Variants in DENND2B observed in about 807,000 individuals in gnomAD.
The protein encoded by DENND2B is DENN domain-containing protein 2B.
Under a neutral mutation model 116.0 loss-of-function variants are expected in DENND2B, and 32 were observed. The ratio of observed to expected loss-of-function variants is 0.28; its 90% CI spans 0.21 to 0.37. The LOEUF (loss-of-function observed/expected upper bound fraction) is 0.37. DENND2B is among the 10% of genes least tolerant of loss of function. The pLI is 1.00. For synonymous variants in DENND2B, 588 were observed against 583.9 expected (o/e 1.01, Z -0.10); for missense variants, 1,276 against 1,477.7 (o/e 0.86, Z 2.24).
intron 1 of DENND2B, among the ~76,000 whole-genome samples, chr11:8,752,413 C>T (rs2052694152): frequency 6.6e-6 from 1 of 151,516 alleles, no homozygotes; most frequent in Admixed American, 6.6e-5. Flanking sequence ...GATTGCACCA[C>T]TGCACTCCAG....
chr11:8,730,662 C>A lies in DENND2B; in HGVS notation c.628G>T (p.Val210Leu). ...GCPSLGCPSV[V>L]PSPCSSEKTF... ...TTTTCAGAGCTGCAGGGGGACGGCACCACGCTGGGACAGCCCAGGCTGGGG... is the reference window on the plus strand; with the variant it reads ...TTTTCAGAGCTGCAGGGGGACGGCAACACGCTGGGACAGCCCAGGCTGGGG... Residue 210 changes from valine (V) to leucine (L), a missense_variant, in exon 3 of 20, where the codon GTG (valine) becomes TTG (leucine). Coordinates refer to ENST00000313726, the MANE Select transcript of DENND2B (RefSeq NM_213618.2). This position sits in a 1 kb window ranked among gnomAD's most constrained non-coding sequence, Gnocchi z 4.1. 2 of 1,612,468 alleles carry A rather than the reference C, an allele frequency of 1.2e-6. No individual in the cohort carries two copies. Among genetic ancestry groups the A allele is most frequent in the Non-Finnish European group, 1.7e-6 (2 of 1,179,832 alleles).
chr11:8,908,399 G>T (rs1291593838), intron 1 of DENND2B, among the ~76,000 whole-genome samples: 1 of 152,186 alleles, frequency 6.6e-6, no homozygotes, highest in Non-Finnish European at 1.5e-5. Context: ...TATTTTGGGA[G>T]ACCAGGCTGA....
At position 8,860,184 on chromosome 11, in the gene DENND2B, A is replaced by T. The variant is rs764178876; in HGVS notation, c.-249-2748T>A. ...TTATAAAATGACCTTAGGAAGTCCTAGCCAGAACAATCAAGCAAGAGAAAG... is the reference window on the plus strand; with the variant it reads ...TTATAAAATGACCTTAGGAAGTCCTTGCCAGAACAATCAAGCAAGAGAAAG... On this transcript the variant is annotated intron_variant, in intron 2 of 6. Coordinates refer to the DENND2B transcript ENST00000524757. Among the ~76,000 whole-genome samples, 11 of 152,222 alleles carry T rather than the reference A, an allele frequency of 7.2e-5. 1 individual carries two copies. Among genetic ancestry groups the T allele is most frequent in the Non-Finnish European group, 1.6e-4 (11 of 68,048 alleles).
intron 1 of DENND2B, among the ~76,000 whole-genome samples, chr11:8,768,297 G>A (rs2056252836): frequency 6.6e-6 from 1 of 152,112 alleles, no homozygotes; most frequent in South Asian, 2.1e-4. Context: ...CTCCCAGGCT[G>A]GAGTACAGTG....
chr11:8,770,189 C>CT (rs1321697606), intron 1 of DENND2B, among the ~76,000 whole-genome samples: 1 of 152,136 alleles, frequency 6.6e-6, no homozygotes, highest in Non-Finnish European at 1.5e-5. Flanking sequence ...ATGCAAAGTA[C>CT]TTTAGAGTAC....
chr11:8,768,900 T>G (rs972853687), intron 1 of DENND2B: 1 of 152,232 alleles, frequency 6.6e-6, no homozygotes, highest in East Asian at 1.9e-4. Context: ...TGTAGCTGAC[T>G]AGGGGTTCTG....
At position 8,718,376 on chromosome 11, in the gene DENND2B, G is replaced by C. The variant is rs1001225317; in HGVS notation, c.1478-484C>G. 7.0e-5 allele frequency: 107 copies of C among 1,535,240 alleles called. No individual in the cohort carries two copies. The African/African-American group carries it at 1.4e-3, about 19-fold the overall frequency. ...GGACCTACTTTGGAGGGTGGGCATG[G>C]AGGAACTCACAGAACCGTAGGGAGC... On this transcript the variant is annotated intron_variant, in intron 4 of 19. Coordinates refer to ENST00000313726, the MANE Select transcript of DENND2B (RefSeq NM_213618.2).
At chr11:8,794,007 C>T (rs553535381) in intron 1 of DENND2B, among the ~76,000 whole-genome samples, 96 of 152,142 alleles carry the variant, frequency 6.3e-4, no homozygotes, top group African/African-American at 2.2e-3. Flanking sequence ...AAATAAAAAA[C>T]CCAGTGCTAC....
chr11:8,901,132 T>G (rs2064162808), intron 1 of DENND2B, among the ~76,000 whole-genome samples: 1 of 152,068 alleles, frequency 6.6e-6, no homozygotes, highest in Non-Finnish European at 1.5e-5. Context: ...TTTATTGATT[T>G]CTACCTAATC....
At chr11:8,708,615 A>T (rs534184526) in intron 11 of DENND2B, among the ~76,000 whole-genome samples, 1 of 152,308 alleles carries the variant, frequency 6.6e-6, no homozygotes, top group South Asian at 2.1e-4. Context: ...CACTGGGTAG[A>T]GGTTTGCTAT....
At chr11:8,706,865 G>C (rs2042690374) in intron 13 of DENND2B, among the ~76,000 whole-genome samples, 1 of 152,206 alleles carries the variant, frequency 6.6e-6, no homozygotes, top group Non-Finnish European at 1.5e-5. Flanking sequence ...ATGCAGTTTA[G>C]TCCAAATGGG....
intron 1 of DENND2B, among the ~76,000 whole-genome samples, chr11:8,770,746 C>G (rs78348888): frequency 0.017 from 2,661 of 152,204 alleles, 72 homozygotes; most frequent in African/African-American, 0.06. Flanking sequence ...GGCTGAAGTG[C>G]AGGGGCATCA....
chr11:8,754,029 G>GCGCGCACACACACACACACA (rs146486674), intron 1 of DENND2B, among the ~76,000 whole-genome samples: 105 of 138,828 alleles, frequency 7.6e-4, no homozygotes, highest in African/African-American at 1.8e-3. Context: ...CCAAAAGCGC[G>GCGCGCACACACACACACACA]CACACACACA....
At chr11:8,700,032 T>G in intron 14 of DENND2B, 1 of 455,518 alleles carries the variant, frequency 2.2e-6, no homozygotes, top group Non-Finnish European at 4.4e-6. Context: ...CAGGAAACAA[T>G]AGCTGTATTC....
At position 8,699,296 on chromosome 11, in the gene DENND2B, C is replaced by G; in HGVS notation, c.2815G>C (p.Asp939His). ...AAGGGGGTGGGACAGCAGACGATGT[C>G]AATCATGGAGGCCGGGAGGACAGGA... ...FIPVLPASMI[D>H]IVCCPTPFLV... is the part of the protein sequence containing the mutation. The change falls in exon 15 of 20, where the codon GAC (aspartate) becomes CAC (histidine). Residue 939 changes from aspartate to histidine, a missense_variant. By Grantham distance (81) the Asp-to-His change is moderately conservative. Transcript: ENST00000313726. The G allele has an allele frequency of 6.2e-7, 1 of 1,604,586 alleles. No homozygotes were observed. The highest frequency in any genetic ancestry group is 8.5e-7 in the Non-Finnish European group (1 of 1,177,772).
chr11:8,730,126 G>C lies in DENND2B; in HGVS notation c.1164C>G (p.Pro388=). 1.2e-6 allele frequency: 2 copies of C among 1,614,166 alleles called. No homozygotes were observed. Among genetic ancestry groups the C allele is most frequent in the Non-Finnish European group, 1.7e-6 (2 of 1,180,010 alleles). The part of the protein sequence containing the change: ...SSLDPAVNPV[P]KPKRTFEYEA... ...CGTATTCAAAGGTGCGCTTGGGTTT[G>C]GGGACAGGGTTCACAGCGGGATCGA... Residue 388 remains proline (P), a synonymous_variant, in exon 3 of 20, where the codon CCC becomes CCG. Coordinates refer to ENST00000313726, the MANE Select transcript of DENND2B (RefSeq NM_213618.2). This position sits in a 1 kb window ranked among gnomAD's most constrained non-coding sequence, Gnocchi z 4.1.
At chr11:8,770,329 A>G (rs1431062354) in intron 1 of DENND2B, among the ~76,000 whole-genome samples, 9 of 152,236 alleles carry the variant, frequency 5.9e-5, no homozygotes, top group Admixed American at 5.9e-4. Flanking sequence ...AAGGCTAAGC[A>G]TCTTGCCCTC....
chr11:8,768,422 A>AT (rs1228381375), intron 1 of DENND2B, among the ~76,000 whole-genome samples: 1 of 151,880 alleles, frequency 6.6e-6, no homozygotes, highest in East Asian at 1.9e-4. Context: ...AAGTTTTTAA[A>AT]TTTTTTGTAG....
intron 1 of DENND2B, among the ~76,000 whole-genome samples, chr11:8,894,747 C>A (rs569432081): frequency 6.6e-6 from 1 of 152,044 alleles, no homozygotes; most frequent in Non-Finnish European, 1.5e-5. Context: ...AGTCAGGAAA[C>A]AACAGGTGCT....
Sources: allele counts gnomAD v4.1 joint callset (sites outside exome capture counted in the v4.1 genomes callset), GRCh38; gene constraint gnomAD v4.1.1; non-coding constraint Gnocchi (gnomAD v3.1); transcripts MANE v1.5; gene names NCBI Gene and HGNC (gene_info 2026-07-23, HGNC 2026-07-21).